Variants in BBS9 observed in about 807,000 individuals in gnomAD.
The protein encoded by BBS9 is protein PTHB1.
Under a neutral mutation model 117.7 loss-of-function variants are expected in BBS9, and 89 were observed. The observed-to-expected ratio is 0.76, with a 90% confidence interval of 0.64 to 0.90. BBS9 has a LOEUF of 0.90. Among genes scored for constraint, BBS9 ranks in the 40% least tolerant of loss-of-function variants. The pLI is 0.00. For missense variants in BBS9, 982 were observed against 1,042.2 expected (o/e 0.94, Z 0.80); for synonymous variants, 379 against 370.9 (o/e 1.02, Z -0.25).
chr7:33,483,107 C>G (rs887228213), intron 19 of BBS9, among the ~76,000 whole-genome samples: 1 of 150,912 alleles, frequency 6.6e-6, no homozygotes, highest in East Asian at 1.9e-4. Context: ...CTTTGGGGGG[C>G]GGGGGGAATA....
At chr7:33,503,092 A>G (rs1845665589) in intron 19 of BBS9, among the ~76,000 whole-genome samples, 1 of 152,336 alleles carries the variant, frequency 6.6e-6, no homozygotes, top group Middle Eastern at 3.4e-3. Context: ...TTTAAATGCA[A>G]GTATGAGCAT....
chr7:33,276,051 C>T lies in BBS9; in HGVS notation c.1016+2095C>T, dbSNP rs143218594. Among the ~76,000 whole-genome samples the T allele has an allele frequency of 8.8e-3, 1,339 of 152,160 alleles. 17 individuals carry two copies. The highest frequency in any genetic ancestry group is 0.043 in the South Asian group (208 of 4,808). On this transcript the variant is annotated intron_variant, in intron 9 of 22. Coordinates refer to ENST00000242067, the MANE Select transcript of BBS9 (RefSeq NM_198428.3). ...ATCCAAATATTGCCATTAGTATTTT[C>T]CACAATTAATATATAAAAATAAATT...
At chr7:33,170,555 C>T (rs1453028413) in intron 4 of BBS9, among the ~76,000 whole-genome samples, 1 of 149,920 alleles carries the variant, frequency 6.7e-6, no homozygotes, top group Non-Finnish European at 1.5e-5. Flanking sequence ...GACAGGGATG[C>T]CCTCTCTCAC....
At chr7:33,260,336 T>C (rs1797778517) in intron 6 of BBS9, among the ~76,000 whole-genome samples, 1 of 152,194 alleles carries the variant, frequency 6.6e-6, no homozygotes, top group Non-Finnish European at 1.5e-5. Context: ...GTGCTTTTTA[T>C]AATCCAGTCC....
intron 5 of BBS9, among the ~76,000 whole-genome samples, chr7:33,196,933 C>T (rs1046136622): frequency 2.0e-5 from 3 of 152,040 alleles, no homozygotes; most frequent in African/African-American, 7.2e-5. Flanking sequence ...AGAGAGTTCC[C>T]AGTAGTCTGC....
chr7:33,374,534 G>A (rs939868270), intron 17 of BBS9, among the ~76,000 whole-genome samples: 1 of 152,048 alleles, frequency 6.6e-6, no homozygotes, highest in Admixed American at 6.5e-5. Context: ...CTTGGAAAAA[G>A]CCTGTTGAAA....
At chr7:33,265,797 C>T (rs1179471134) in intron 7 of BBS9, among the ~76,000 whole-genome samples, 1 of 151,936 alleles carries the variant, frequency 6.6e-6, no homozygotes, top group African/African-American at 2.4e-5. Flanking sequence ...AAGCTGAGAT[C>T]GTGCCACTGT....
chr7:33,586,604 C>T (rs909108327), intron 21 of BBS9, among the ~76,000 whole-genome samples: 17 of 152,134 alleles, frequency 1.1e-4, no homozygotes, highest in Admixed American at 7.9e-4. Context: ...GTATGTTCAT[C>T]GCAGTGCTAT....
chr7:33,360,638 A>G (rs1419357530), intron 16 of BBS9, among the ~76,000 whole-genome samples: 1 of 150,548 alleles, frequency 6.6e-6, no homozygotes, highest in African/African-American at 2.4e-5. Context: ...CTCCCACCTT[A>G]GCCTCTAGAG....
At chr7:33,507,367 A>G (rs779649773) in intron 20 of BBS9, among the ~76,000 whole-genome samples, 8 of 152,060 alleles carry the variant, frequency 5.3e-5, no homozygotes, top group Non-Finnish European at 8.8e-5. Flanking sequence ...CAGCCTCCAG[A>G]GTAGCTGGGA....
chr7:33,579,750 C>G (rs925040147), intron 21 of BBS9, among the ~76,000 whole-genome samples: 1 of 152,192 alleles, frequency 6.6e-6, no homozygotes. Flanking sequence ...AGAGAATTAC[C>G]CAATTCCCTC....
chr7:33,154,050 G>A (rs1028582913), intron 3 of BBS9, among the ~76,000 whole-genome samples: 5 of 152,182 alleles, frequency 3.3e-5, no homozygotes, highest in African/African-American at 1.2e-4. Flanking sequence ...TGGAAGGGGA[G>A]GAAGTTAACG....
intron 21 of BBS9, among the ~76,000 whole-genome samples, chr7:33,634,063 AC>A (rs1232579547): frequency 2.0e-5 from 3 of 151,964 alleles, no homozygotes; most frequent in Admixed American, 6.5e-5. Context: ...CAATCTGGCC[AC>A]CCCGCCTCAG....
intron 20 of BBS9, among the ~76,000 whole-genome samples, chr7:33,531,007 G>T (rs1850491278): frequency 6.6e-6 from 1 of 152,130 alleles, no homozygotes; most frequent in Non-Finnish European, 1.5e-5. Context: ...CACTTTTGGA[G>T]GCCAAAGCAA....
intron 5 of BBS9, among the ~76,000 whole-genome samples, chr7:33,199,146 C>T (rs1331676747): frequency 6.6e-6 from 1 of 151,940 alleles, no homozygotes; most frequent in Non-Finnish European, 1.5e-5. Context: ...GGGAAATTGG[C>T]TCCATCATTC....
intron 21 of BBS9, among the ~76,000 whole-genome samples, chr7:33,572,520 C>A (rs4585647): frequency 0.22 from 33,916 of 151,872 alleles, 5,252 homozygotes; most frequent in African/African-American, 0.43. Flanking sequence ...ACCTCCATAC[C>A]GTTTTCCATA....
Position 33,430,823 on chromosome 7 carries a change from T to C in BBS9, c.2115+42679T>C, listed in dbSNP as rs1004426250. On this transcript the variant is annotated intron_variant, in intron 19 of 22. Coordinates refer to ENST00000242067, the MANE Select transcript of BBS9 (RefSeq NM_198428.3). ...CTCCCTTGTTGGCTGTTTGCACACT[T>C]GGGATTTGCAGTCTTCAATGAATAT... 8.5e-4 allele frequency among the ~76,000 whole-genome samples: 130 copies of C among 152,286 alleles called. 1 individual carries two copies. The highest frequency in any genetic ancestry group is 3.0e-3 in the African/African-American group (124 of 41,550).
chr7:33,549,796 CTG>C (rs1854065518), intron 21 of BBS9, among the ~76,000 whole-genome samples: 1 of 152,140 alleles, frequency 6.6e-6, no homozygotes, highest in Non-Finnish European at 1.5e-5. Context: ...AATCTGAACT[CTG>C]TATAATTTTC....
At chr7:33,237,187 T>G (rs1793679809) in intron 5 of BBS9, among the ~76,000 whole-genome samples, 1 of 152,198 alleles carries the variant, frequency 6.6e-6, no homozygotes, top group Non-Finnish European at 1.5e-5. Flanking sequence ...TGCAGTTGGA[T>G]ACAATGTTCA....
Sources: gnomAD v4.1 joint callset for allele counts (sites outside exome capture counted in the v4.1 genomes callset) on GRCh38, gnomAD v4.1.1 for gene constraint, MANE v1.5 for transcripts, NCBI Gene and HGNC (gene_info 2026-07-23, HGNC 2026-07-21) for gene names.